The following LIPC variants were observed in gnomAD, a reference collection of about 807,000 sequenced individuals.
The protein encoded by LIPC is lipase C, hepatic type.
In LIPC, 44 loss-of-function variants were observed where a neutral mutation model predicts 50.7. The ratio of observed to expected loss-of-function variants is 0.87; its 90% CI spans 0.68 to 1.11. LIPC has a LOEUF of 1.11. Ranked by LOEUF, LIPC falls within the 50% of genes most tolerant of loss-of-function variation. LIPC has a pLI of 0.00. For synonymous variants in LIPC, 271 were observed against 256.4 expected, an observed-to-expected ratio of 1.06 and a Z score of -0.54; for missense variants, 697 against 648.2, an observed-to-expected ratio of 1.08 and a Z score of -0.82.
At chr15:58,468,717 C>G (rs969940840) in intron 1 of LIPC, among the ~76,000 whole-genome samples, 16 of 152,180 alleles carry the variant, frequency 1.1e-4, no homozygotes, top group Non-Finnish European at 1.9e-4. Context: ...AAAGGCCCAC[C>G]CCAGACCAGT....
intron 1 of LIPC, among the ~76,000 whole-genome samples, chr15:58,491,892 A>C (rs1891598465): frequency 6.6e-6 from 1 of 152,160 alleles, no homozygotes; most frequent in African/African-American, 2.4e-5. Flanking sequence ...TGGTCCTTCC[A>C]GAGATGCTAA....
intron 1 of LIPC, among the ~76,000 whole-genome samples, chr15:58,503,252 T>G (rs1475489976): frequency 6.6e-6 from 1 of 152,172 alleles, no homozygotes; most frequent in Non-Finnish European, 1.5e-5. Context: ...AGATTTTATT[T>G]GTCTTCCTGG....
intron 4 of LIPC, among the ~76,000 whole-genome samples, chr15:58,544,106 G>A (rs867023819): frequency 3.8e-4 from 58 of 152,324 alleles, no homozygotes; most frequent in African/African-American, 1.3e-3. Flanking sequence ...CCTGGTCACA[G>A]ACCGGCGTGT....
chr15:58,562,712 G>A (rs1489146647), intron 7 of LIPC, among the ~76,000 whole-genome samples: 2 of 152,106 alleles, frequency 1.3e-5, no homozygotes, highest in African/African-American at 2.4e-5. Context: ...GAGGACCCTA[G>A]CCTCTGGATG....
At chr15:58,454,753 G>A (rs1203000841) in intron 1 of LIPC, 1 of 152,210 alleles carries the variant, frequency 6.6e-6, no homozygotes, top group African/African-American at 2.4e-5. Context: ...CTCACCCCCA[G>A]GGCCTGGGGT....
chr15:58,508,226 G>C (rs1172960636), intron 1 of LIPC, among the ~76,000 whole-genome samples: 2 of 152,050 alleles, frequency 1.3e-5, no homozygotes, highest in African/African-American at 2.4e-5. Flanking sequence ...TTGAGAGATG[G>C]GGTAGGGCCA....
chr15:58,565,394 C>A, intron 8 of LIPC: 1 of 1,486,298 alleles, frequency 6.7e-7, no homozygotes, highest in Non-Finnish European at 8.9e-7. Context: ...TAAAGCACAA[C>A]ACTACCTTCT....
intron 1 of LIPC, among the ~76,000 whole-genome samples, chr15:58,498,275 C>T (rs999032329): frequency 6.6e-6 from 1 of 152,110 alleles, no homozygotes; most frequent in Non-Finnish European, 1.5e-5. Context: ...GACCCCACCT[C>T]GCAAGGATGT....
At chr15:58,471,328 T>TGGAG (rs1555399296) in intron 1 of LIPC, among the ~76,000 whole-genome samples, 4 of 114,182 alleles carry the variant, frequency 3.5e-5, no homozygotes, top group Admixed American at 1.8e-4. Context: ...TTAGTAGAGA[T>TGGAG]GGGGGGGGGT....
chr15:58,559,458 A>T (rs530312019), intron 6 of LIPC, among the ~76,000 whole-genome samples: 2 of 152,218 alleles, frequency 1.3e-5, no homozygotes, highest in African/African-American at 2.4e-5. Flanking sequence ...CCTTTTCCCA[A>T]ACCAGACACT....
intron 1 of LIPC, among the ~76,000 whole-genome samples, chr15:58,433,056 T>C (rs1893177521): frequency 6.6e-6 from 1 of 152,254 alleles, no homozygotes; most frequent in Non-Finnish European, 1.5e-5. Flanking sequence ...AGTTAATAAC[T>C]GAGTAGCAGT....
chr15:58,495,327 C>T (rs542259169), intron 1 of LIPC, among the ~76,000 whole-genome samples: 2 of 152,362 alleles, frequency 1.3e-5, no homozygotes, highest in South Asian at 4.1e-4. Flanking sequence ...CTTTCCTGCC[C>T]TGCAGCTCCC....
At chr15:58,453,672 A>G (rs1323137291) in intron 1 of LIPC, among the ~76,000 whole-genome samples, 2 of 152,018 alleles carry the variant, frequency 1.3e-5, no homozygotes, top group East Asian at 3.9e-4. Flanking sequence ...AGGCCGAGGC[A>G]GGTGGATTGC....
intron 6 of LIPC, among the ~76,000 whole-genome samples, chr15:58,553,332 A>G (rs1193926834): frequency 6.6e-6 from 1 of 152,208 alleles, no homozygotes; most frequent in African/African-American, 2.4e-5. Context: ...ACGGTGGCTC[A>G]CACCTGAAGT....
intron 1 of LIPC, among the ~76,000 whole-genome samples, chr15:58,531,448 G>GA (rs112994928): frequency 0.02 from 2,963 of 151,756 alleles, 118 homozygotes; most frequent in African/African-American, 0.068. Context: ...TTTCTTAAAA[G>GA]AAAAAAATCA....
rs17269250 is a variant in LIPC at position 58,433,787 on chromosome 15, T to G, written c.88+1667T>G. 9.1e-3 allele frequency among the ~76,000 whole-genome samples: 1,393 copies of G among 152,298 alleles called. 11 individuals carry two copies. The highest frequency in any genetic ancestry group is 0.017 in the Non-Finnish European group (1,125 of 68,034). On this transcript the variant is annotated intron_variant, in intron 1 of 8. Coordinates refer to ENST00000299022, the MANE Select transcript of LIPC (RefSeq NM_000236.3). ...TTCCCCGGGGCCTAGTTTGTGCAAA[T>G]GCTGAGAGAAGTGGCCACTATTAGC...
At chr15:58,458,578 C>G (rs563182391) in intron 1 of LIPC, among the ~76,000 whole-genome samples, 2 of 152,318 alleles carry the variant, frequency 1.3e-5, no homozygotes, top group Admixed American at 1.3e-4. Flanking sequence ...CACCTCTAAC[C>G]TTTTCCCATC....
intron 1 of LIPC, among the ~76,000 whole-genome samples, chr15:58,468,998 C>G (rs1894678641): frequency 6.6e-6 from 1 of 152,132 alleles, no homozygotes; most frequent in Admixed American, 6.5e-5. Flanking sequence ...CCAGAGCTAT[C>G]CCACTTGATC....
At chr15:58,488,959 T>A (rs886789750) in intron 1 of LIPC, among the ~76,000 whole-genome samples, 1 of 152,146 alleles carries the variant, frequency 6.6e-6, no homozygotes, top group East Asian at 1.9e-4. Flanking sequence ...AAAAGGCAAG[T>A]GGTCCTGATG....
Sources: allele counts gnomAD v4.1 joint callset (sites outside exome capture counted in the v4.1 genomes callset), GRCh38; gene constraint gnomAD v4.1.1; transcripts MANE v1.5; gene names NCBI Gene and HGNC (gene_info 2026-07-23, HGNC 2026-07-21).